Variants in PTPRG observed in about 807,000 individuals in gnomAD.
PTPRG encodes receptor-type tyrosine-protein phosphatase gamma.
In PTPRG, 102 loss-of-function variants were observed where a neutral mutation model predicts 165.3. The observed-to-expected ratio is 0.62, with a 90% CI of 0.53 to 0.73. The LOEUF is 0.73. Ranked by LOEUF, PTPRG falls within the 30% of genes least tolerant of loss-of-function variation. PTPRG has a pLI of 0.00. For synonymous variants in PTPRG, 675 were observed against 669.5 expected (o/e 1.01, Z -0.13); for missense variants, 1,866 against 1,861.4 (o/e 1.00, Z -0.05).
intron 1 of PTPRG, among the ~76,000 whole-genome samples, chr3:61,735,953 G>C (rs760923117): frequency 2.2e-4 from 33 of 151,316 alleles, no homozygotes; most frequent in Middle Eastern, 3.2e-3. Context: ...TGTTGCCCAG[G>C]CTGGAGCGCA....
At chr3:61,852,564 T>C (rs1213597831) in intron 2 of PTPRG, among the ~76,000 whole-genome samples, 1 of 152,232 alleles carries the variant, frequency 6.6e-6, no homozygotes, top group Non-Finnish European at 1.5e-5. Context: ...GGATGAGGTC[T>C]TACTGATAAA....
At chr3:61,798,862 G>A (rs952255529) in intron 2 of PTPRG, among the ~76,000 whole-genome samples, 11 of 151,998 alleles carry the variant, frequency 7.2e-5, no homozygotes, top group Admixed American at 3.3e-4. Context: ...ACAGACCAGA[G>A]GCATGGTGAG....
intron 7 of PTPRG, among the ~76,000 whole-genome samples, chr3:62,159,372 C>T (rs1430903620): frequency 6.6e-6 from 1 of 151,960 alleles, no homozygotes; most frequent in Non-Finnish European, 1.5e-5. Flanking sequence ...TTAAGGAATA[C>T]TGATTTGGCT....
intron 4 of PTPRG, among the ~76,000 whole-genome samples, chr3:62,023,603 A>AG (rs2041746940): frequency 2.0e-5 from 3 of 152,178 alleles, no homozygotes; most frequent in Admixed American, 6.5e-5. Context: ...AGACAAACAA[A>AG]CAAAAATCTT....
At position 62,281,546 on chromosome 3, in the gene PTPRG, T is replaced by TTTTTTTTTTTTTTTTTTTTTTTTTTTG; in HGVS notation, c.3766-12_3766-11insTTTTTTTTTTTTTTTTTTTTTGTTTTT. The TTTTTTTTTTTTTTTTTTTTTTTTTTTG allele has an allele frequency of 7.1e-7, 1 of 1,406,532 alleles. No individual in the cohort carries two copies. Among genetic ancestry groups the TTTTTTTTTTTTTTTTTTTTTTTTTTTG allele is most frequent in the South Asian group, 1.4e-5 (1 of 73,792 alleles). The allele number at this position is 1,406,532 out of a possible 1,614,324, so 87.1% of individuals were successfully genotyped here. On this transcript the variant is annotated splice_polypyrimidine_tract_variant and intron_variant, in intron 26 of 29. Transcript: ENST00000474889. Reference sequence around the variant, plus strand: ...TGACAGAACTGCAGAGGCTTTTTTTTTTTTTGGATTCCAAAGGCAGAAGAT... The same window carrying TTTTTTTTTTTTTTTTTTTTTTTTTTTG: ...TGACAGAACTGCAGAGGCTTTTTTTTTTTTTTTTTTTTTTTTTTTTTTTTTTGTTTTTGGATTCCAAAGGCAGAAGAT...
chr3:62,083,510 A>C (rs1471142585), intron 5 of PTPRG, among the ~76,000 whole-genome samples: 1 of 152,232 alleles, frequency 6.6e-6, no homozygotes, highest in African/African-American at 2.4e-5. Flanking sequence ...TATCTGGTGA[A>C]ACAAATAAAT....
chr3:62,020,380 G>A (rs547565621), intron 4 of PTPRG, among the ~76,000 whole-genome samples: 2 of 152,096 alleles, frequency 1.3e-5, no homozygotes, highest in African/African-American at 4.8e-5. Flanking sequence ...CCTTATTTTT[G>A]TAAGCTAGAA....
At chr3:61,951,745 T>C (rs1559709405) in intron 2 of PTPRG, among the ~76,000 whole-genome samples, 1 of 152,228 alleles carries the variant, frequency 6.6e-6, no homozygotes, top group Admixed American at 6.5e-5. Context: ...GGCTGTGCTC[T>C]GTTGCTGATG....
chr3:61,623,454 C>A (rs1701517811), intron 1 of PTPRG, among the ~76,000 whole-genome samples: 1 of 152,092 alleles, frequency 6.6e-6, no homozygotes, highest in Non-Finnish European at 1.5e-5. Context: ...TAAGGTTATC[C>A]AGTGCAGGGC....
At chr3:62,183,612 G>T (rs993239977) in intron 8 of PTPRG, among the ~76,000 whole-genome samples, 3 of 151,988 alleles carry the variant, frequency 2.0e-5, no homozygotes, top group Admixed American at 6.6e-5. Flanking sequence ...GGCCTTGGTG[G>T]GTGGGCACTA....
chr3:61,667,601 C>T (rs550765527), intron 1 of PTPRG, among the ~76,000 whole-genome samples: 54 of 152,132 alleles, frequency 3.5e-4, no homozygotes, highest in Admixed American at 6.5e-4. Flanking sequence ...ATTTTGTACA[C>T]GAGGAAACTA....
chr3:62,015,290 C>T (rs1410474171), intron 4 of PTPRG, among the ~76,000 whole-genome samples: 1 of 152,050 alleles, frequency 6.6e-6, no homozygotes, highest in African/African-American at 2.4e-5. Context: ...GAGGCAGAGG[C>T]AGGAACCCGG....
chr3:61,942,193 A>T (rs1306717800), intron 2 of PTPRG, among the ~76,000 whole-genome samples: 1 of 150,772 alleles, frequency 6.6e-6, no homozygotes, highest in Non-Finnish European at 1.5e-5. Context: ...TTAGTTTTGC[A>T]TCATAAACAG....
intron 1 of PTPRG, among the ~76,000 whole-genome samples, chr3:61,626,536 G>A (rs1701614309): frequency 1.3e-5 from 2 of 152,164 alleles, no homozygotes; most frequent in African/African-American, 4.8e-5. Context: ...CCAAGGAATT[G>A]GAATATTCGA....
chr3:61,813,316 C>G (rs187675148), intron 2 of PTPRG, among the ~76,000 whole-genome samples: 1 of 141,548 alleles, frequency 7.1e-6, no homozygotes, highest in Non-Finnish European at 1.5e-5. Flanking sequence ...ACGGTTAAAC[C>G]CCATGATTAC....
At position 62,166,248 on chromosome 3, in the gene PTPRG, C is replaced by G. The variant is rs567270480; in HGVS notation, c.841-1723C>G. On this transcript the variant is annotated intron_variant, in intron 7 of 29. Coordinates refer to ENST00000474889, the MANE Select transcript of PTPRG (RefSeq NM_002841.4). ...TTTTTTTTTTTGGTGACAAGAATAA[C>G]TTTGTGGCCTGTTGAGGACAAGTCT... 2.5e-4 allele frequency among the ~76,000 whole-genome samples: 25 copies of G among 99,474 alleles called. 1 individual carries two copies. The highest frequency in any genetic ancestry group is 2.1e-3 in the Admixed American group (13 of 6,216). The allele number at this position is 99,474 out of a possible 152,430, so 65.3% of individuals were successfully genotyped here. A position where few individuals can be genotyped will look rare whatever the true frequency, so the allele number is the denominator to read the frequency against.
chr3:61,661,993 TG>T (rs1329549425), intron 1 of PTPRG, among the ~76,000 whole-genome samples: 18 of 152,216 alleles, frequency 1.2e-4, no homozygotes, highest in Non-Finnish European at 1.8e-4. Flanking sequence ...GCTAGCGTGT[TG>T]ACTAGCACTG....
chr3:61,722,164 T>A (rs2032074678), intron 1 of PTPRG, among the ~76,000 whole-genome samples: 1 of 152,114 alleles, frequency 6.6e-6, no homozygotes, highest in South Asian at 2.1e-4. Flanking sequence ...GTGAGGGCTT[T>A]CTTGCTCTGT....
chr3:61,695,062 G>A (rs1402265803), intron 1 of PTPRG, among the ~76,000 whole-genome samples: 1 of 151,756 alleles, frequency 6.6e-6, no homozygotes, highest in Non-Finnish European at 1.5e-5. Context: ...CCAGGCTGGA[G>A]TGCAATGGCG....
Sources: gnomAD v4.1 joint callset for allele counts (sites outside exome capture counted in the v4.1 genomes callset) on GRCh38, gnomAD v4.1.1 for gene constraint, MANE v1.5 for transcripts, NCBI Gene and HGNC (gene_info 2026-07-23, HGNC 2026-07-21) for gene names.